Variants in ENPEP observed in about 807,000 individuals in gnomAD.
The protein encoded by ENPEP is glutamyl aminopeptidase, also known as AP-A.
A neutral mutation model predicts 114.5 loss-of-function variants in ENPEP; 103 were observed. The ratio of observed to expected loss-of-function variants is 0.90; its 90% confidence interval spans 0.77 to 1.06. The LOEUF (loss-of-function observed/expected upper bound fraction) is 1.06, where lower values mean the gene tolerates loss of function less well. ENPEP is among the 50% of genes least tolerant of loss of function. The pLI, the probability that ENPEP is intolerant of heterozygous loss-of-function variation, is 0.00. For synonymous variants in ENPEP, 420 were observed against 422.0 expected (o/e 1.00, Z 0.06); for missense variants, 1,196 against 1,161.3 (o/e 1.03, Z -0.43).
chr4:110,517,462 G>T (rs28628089), intron 8 of ENPEP, among the ~76,000 whole-genome samples: 5,301 of 152,196 alleles, frequency 0.035, 299 homozygotes, highest in African/African-American at 0.11. Context: ...AAATTAAATT[G>T]TAATTAATAA....
At position 110,499,723 on chromosome 4, in the gene ENPEP, A is replaced by T. The variant is rs151042693; in HGVS notation, c.919-6914A>T. ...TGAAAAACTCTTAACAGTTCAGGTC[A>T]TATGATATTGCCAAATTAGTTTGCT... On this transcript the variant is annotated intron_variant, in intron 3 of 19. Transcript: ENST00000265162. Among the ~76,000 whole-genome samples, 380 of 152,336 alleles carry T rather than the reference A, an allele frequency of 2.5e-3. 1 individual carries two copies. Among genetic ancestry groups the T allele is most frequent in the African/African-American group, 8.7e-3 (362 of 41,566 alleles).
Position 110,476,656 on chromosome 4 carries a change from G to C in ENPEP, c.242G>C (p.Ser81Thr). 2 of 1,614,086 alleles carry C rather than the reference G, an allele frequency of 1.2e-6. No individual in the cohort carries two copies. The highest frequency in any genetic ancestry group is 1.7e-6 in the Non-Finnish European group (2 of 1,180,054). ...CAGGACCAGGACATCTGCCCGGCCA[G>C]TGAGGATGAGAGCGGACAGTGGAAA... is the stretch of plus-strand genomic sequence containing the variant. ...PAQDQDICPA[S>T]EDESGQWKNF... Residue 81 changes from serine (S) to threonine (T), a missense_variant, in exon 1 of 20, where the codon AGT becomes ACT. Physicochemically the swap from Ser to Thr is moderately conservative, Grantham distance 58 (BLOSUM62 1). Transcript: ENST00000265162.
chr4:110,526,083 C>T (rs1448809884), intron 10 of ENPEP, among the ~76,000 whole-genome samples: 10 of 152,088 alleles, frequency 6.6e-5, no homozygotes, highest in Non-Finnish European at 5.9e-5. Context: ...TGAGACCAGC[C>T]TGGCCAACAT....
chr4:110,515,156 A>G (rs1725714691), intron 7 of ENPEP, among the ~76,000 whole-genome samples: 1 of 152,118 alleles, frequency 6.6e-6, no homozygotes. Flanking sequence ...CATTTTAGCA[A>G]TTTCTCTTTA....
intron 3 of ENPEP, among the ~76,000 whole-genome samples, chr4:110,496,002 A>G (rs186360410): frequency 6.6e-6 from 1 of 152,338 alleles, no homozygotes; most frequent in African/African-American, 2.4e-5. Context: ...GGTTTGTACT[A>G]TGACCATATT....
At chr4:110,523,527 G>T (rs1726084739) in intron 10 of ENPEP, among the ~76,000 whole-genome samples, 1 of 152,164 alleles carries the variant, frequency 6.6e-6, no homozygotes, top group Non-Finnish European at 1.5e-5. Context: ...CAGGGGCCAT[G>T]AAATTGGACC....
Position 110,488,555 on chromosome 4 carries a change from CCGAT to C in ENPEP, c.661_664del (p.Asp221MetfsTer61). The C allele has an allele frequency of 6.2e-7, 1 of 1,612,066 alleles. No homozygotes were observed. Among genetic ancestry groups the C allele is most frequent in the South Asian group, 1.1e-5 (1 of 90,796 alleles). On this transcript the variant is annotated frameshift_variant, in exon 2 of 20. Coordinates refer to ENST00000265162, the MANE Select transcript of ENPEP (RefSeq NM_001977.4). LOFTEE classifies it high-confidence loss of function. ...TTGTTTCTAAGGAGCATAGTGGCCACCGATCATGAACCAACAGATGCCAGGAAAT... is the reference window on the plus strand; with the variant it reads ...TTGTTTCTAAGGAGCATAGTGGCCACCATGAACCAACAGATGCCAGGAAAT...
At chr4:110,495,253 A>G (rs543075392) in intron 3 of ENPEP, among the ~76,000 whole-genome samples, 1 of 152,316 alleles carries the variant, frequency 6.6e-6, no homozygotes, top group South Asian at 2.1e-4. Flanking sequence ...ACATTATTGA[A>G]AATTTGGAAA....
At chr4:110,513,250 T>C (rs17552367) in intron 6 of ENPEP, 165 bp from the exon 7 acceptor site, 16,469 of 629,990 alleles carry the variant, frequency 0.026, 288 homozygotes, top group Non-Finnish European at 0.034. Flanking sequence ...ATGAAATCAA[T>C]ATAGCTCAAT....
At chr4:110,536,866 T>G (rs1417663223) in intron 11 of ENPEP, among the ~76,000 whole-genome samples, 1 of 152,230 alleles carries the variant, frequency 6.6e-6, no homozygotes, top group Non-Finnish European at 1.5e-5. Context: ...TGAGAGATAC[T>G]GCAGTTTTGG....
Position 110,477,043 on chromosome 4 carries a change from A to G in ENPEP, c.629A>G (p.Glu210Gly). 6.2e-7 allele frequency: 1 copy of G among 1,613,108 alleles called. No individual in the cohort carries two copies. Among genetic ancestry groups the G allele is most frequent in the Non-Finnish European group, 8.5e-7 (1 of 1,179,302 alleles). ...LVGFYRTTYT[E>G]NGQVKSIVAT... ...GGATTTTATAGAACCACCTACACGG[A>G]GAACGGACAAGTCAAGTAAATATTA... The change falls in exon 1 of 20, where the codon GAG becomes GGG. Residue 210 changes from glutamate (E) to glycine (G), a missense_variant. Glu to Gly is a moderately conservative substitution (Grantham distance 98). Transcript: ENST00000265162.
At chr4:110,533,833 A>T (rs548747935) in intron 11 of ENPEP, among the ~76,000 whole-genome samples, 2 of 152,126 alleles carry the variant, frequency 1.3e-5, no homozygotes, top group Non-Finnish European at 2.9e-5. Flanking sequence ...CTTATTTGTT[A>T]TTGTTGTTCT....
rs868690232 is a variant in ENPEP, at chr4:110,476,587, C to T, written c.173C>T (p.Ser58Phe). 6.2e-7 allele frequency: 1 copy of T among 1,614,118 alleles called. No individual in the cohort carries two copies. The highest frequency in any genetic ancestry group is 8.5e-7 in the Non-Finnish European group (1 of 1,179,964). ...DGGPGTAPAP[S>F]HLPSSTASPS... ...GGGCCGGGCACTGCGCCAGCTCCTT[C>T]CCACCTGCCTTCTTCCACGGCCAGC... is the stretch of plus-strand genomic sequence containing the variant. Residue 58 changes from serine (S) to phenylalanine (F), a missense_variant, in exon 1 of 20, where the codon TCC becomes TTC. Physicochemically the swap from Ser to Phe is radical, Grantham distance 155. Transcript: ENST00000265162.
Position 110,477,953 on chromosome 4 carries a change from C to T in ENPEP, c.644+895C>T, listed in dbSNP as rs1724175883. Among the ~76,000 whole-genome samples, 5 of 152,270 alleles carry T rather than the reference C, an allele frequency of 3.3e-5. No individual in the cohort carries two copies. The South Asian group carries it at 1.0e-3, about 32-fold the overall frequency. ...CATTGAACTCCAAAAACTTCCTTCACACTGTGGATGTAGCCCTTGCATCAG... is the reference window on the plus strand; with the variant it reads ...CATTGAACTCCAAAAACTTCCTTCATACTGTGGATGTAGCCCTTGCATCAG... On this transcript the variant is annotated intron_variant, in intron 1 of 19. Transcript: ENST00000265162.
At chr4:110,525,772 C>G (rs1726173393) in intron 10 of ENPEP, among the ~76,000 whole-genome samples, 1 of 152,172 alleles carries the variant, frequency 6.6e-6, no homozygotes, top group African/African-American at 2.4e-5. Flanking sequence ...AAATATGTCT[C>G]TTGTCAAACA....
rs1727769190 is a variant in ENPEP, at chr4:110,564,547, T to C, written c.*2989T>C. The C allele has an allele frequency of 6.6e-6, 1 of 152,224 alleles. No individual in the cohort carries two copies. The highest frequency in any genetic ancestry group is 1.5e-5 in the Non-Finnish European group (1 of 68,034). The allele number at this position is 152,224 out of a possible 1,614,324, so 9.4% of individuals were successfully genotyped here. On this transcript the variant is annotated 3_prime_UTR_variant, in exon 20 of 20. Transcript: ENST00000265162. ...AAGTGTTAGCTCTTATTATTGTTAC[T>C]ATTATATCTCCCCATCCCTACTTAA...
Position 110,477,042 on chromosome 4 carries a change from G to A in ENPEP, c.628G>A (p.Glu210Lys). The A allele has an allele frequency of 6.2e-7, 1 of 1,613,310 alleles. No homozygotes were observed. Among genetic ancestry groups the A allele is most frequent in the East Asian group, 2.2e-5 (1 of 44,860 alleles). ...GGGATTTTATAGAACCACCTACACG[G>A]AGAACGGACAAGTCAAGTAAATATT... is the stretch of plus-strand genomic sequence containing the variant. ...LVGFYRTTYTENGQVKSIVAT... is the reference protein window; with the variant it reads ...LVGFYRTTYTKNGQVKSIVAT... Residue 210 changes from glutamate to lysine, a missense_variant, in exon 1 of 20, where the codon GAG (glutamate) becomes AAG (lysine). Transcript: ENST00000265162.
intron 3 of ENPEP, among the ~76,000 whole-genome samples, chr4:110,498,917 T>C (rs1240227020): frequency 6.6e-6 from 1 of 152,214 alleles, no homozygotes; most frequent in Non-Finnish European, 1.5e-5. Context: ...TATTCTCTTT[T>C]CAATTATTAT....
At chr4:110,508,327 G>A (rs1223864765) in intron 4 of ENPEP, among the ~76,000 whole-genome samples, 3 of 150,416 alleles carry the variant, frequency 2.0e-5, no homozygotes, top group Non-Finnish European at 4.4e-5. Context: ...AGGATTAAGT[G>A]CAAACTGCAC....
Sources: allele counts gnomAD v4.1 joint callset (sites outside exome capture counted in the v4.1 genomes callset), GRCh38; gene constraint gnomAD v4.1.1; transcripts MANE v1.5; gene names NCBI Gene and HGNC (gene_info 2026-07-23, HGNC 2026-07-21).